Variants in ACSBG1 observed in about 807,000 individuals in gnomAD.
The protein encoded by ACSBG1 is long-chain-fatty-acid--CoA ligase ACSBG1.
A neutral mutation model predicts 80.2 loss-of-function variants in ACSBG1; 39 were observed. The ratio of observed to expected loss-of-function variants is 0.49; its 90% confidence interval spans 0.38 to 0.64. ACSBG1 has a LOEUF of 0.64. ACSBG1 is among the 30% of genes least tolerant of loss of function. The probability of loss-of-function intolerance (pLI) is 0.00; values close to 1 mark genes in which losing one functional copy is unlikely to be tolerated. For missense variants in ACSBG1, 828 were observed against 966.4 expected (o/e 0.86, Z 1.90); for synonymous variants, 392 against 379.5 (o/e 1.03, Z -0.38).
At chr15:78,206,405 G>A (rs979914829) in intron 2 of ACSBG1, among the ~76,000 whole-genome samples, 1 of 152,194 alleles carries the variant, frequency 6.6e-6, no homozygotes, top group Non-Finnish European at 1.5e-5. Flanking sequence ...CAGAGGACCT[G>A]TCTGCCCTCA....
intron 1 of ACSBG1, among the ~76,000 whole-genome samples, chr15:78,225,450 T>TTAA (rs1212911471): frequency 3.3e-5 from 5 of 150,832 alleles, no homozygotes; most frequent in African/African-American, 1.2e-4. Context: ...AATTAAAAAA[T>TTAA]AAAATAAATT....
rs753316205 is a variant in ACSBG1, at chr15:78,208,062, T to C, written c.172A>G (p.Asn58Asp). 6.2e-7 allele frequency: 1 copy of C among 1,614,104 alleles called. No homozygotes were observed. The highest frequency in any genetic ancestry group is 8.5e-7 in the Non-Finnish European group (1 of 1,180,018). Reference protein sequence around the residue: ...DRQPLSKESLNHALELSVPEK... With the variant: ...DRQPLSKESLDHALELSVPEK... Reference sequence around the variant, plus strand: ...GGCACTGAGAGCTCGAGAGCATGGTTCAGGGACTCTTTGGAGAGTGGCTGC... The same window carrying C: ...GGCACTGAGAGCTCGAGAGCATGGTCCAGGGACTCTTTGGAGAGTGGCTGC... Residue 58 changes from asparagine (N) to aspartate (D), a missense_variant, in exon 2 of 14, where the codon AAC becomes GAC. Asn to Asp is a conservative substitution (Grantham distance 23, BLOSUM62 1). This residue lies in a region of ACSBG1 where 356 missense variants were observed against 363.5 expected (regional missense o/e 0.98). Transcript: ENST00000258873.
chr15:78,220,126 A>G (rs764673914), intron 1 of ACSBG1, among the ~76,000 whole-genome samples: 4 of 152,282 alleles, frequency 2.6e-5, no homozygotes, highest in African/African-American at 9.6e-5. Context: ...AGGTACTGGC[A>G]TAAGGACAGA....
chr15:78,220,350 C>T (rs2075350639), intron 1 of ACSBG1, among the ~76,000 whole-genome samples: 1 of 152,092 alleles, frequency 6.6e-6, no homozygotes. Context: ...AGATCTAAAC[C>T]TAAATGCTAG....
At chr15:78,185,614 A>C (rs2074995461) in intron 5 of ACSBG1, among the ~76,000 whole-genome samples, 2 of 152,238 alleles carry the variant, frequency 1.3e-5, no homozygotes, top group Admixed American at 1.3e-4. Context: ...TCAAATATAA[A>C]TTGGTGGATT....
At chr15:78,223,730 A>G (rs1384628072) in intron 1 of ACSBG1, among the ~76,000 whole-genome samples, 1 of 152,242 alleles carries the variant, frequency 6.6e-6, no homozygotes, top group Non-Finnish European at 1.5e-5. Context: ...ATTAGCTTAT[A>G]TGGCAAAAAC....
At chr15:78,198,919 T>C (rs2075140611) in intron 2 of ACSBG1, among the ~76,000 whole-genome samples, 2 of 152,122 alleles carry the variant, frequency 1.3e-5, no homozygotes. Flanking sequence ...AAATAATGTA[T>C]AGTAATACAT....
At chr15:78,230,669 A>G (rs1448427653) in intron 1 of ACSBG1, among the ~76,000 whole-genome samples, 2 of 152,196 alleles carry the variant, frequency 1.3e-5, no homozygotes, top group Non-Finnish European at 2.9e-5. Flanking sequence ...TTCTCGTTAC[A>G]GTAAGTCGCA....
At chr15:78,215,842 C>A (rs2075308401) in intron 1 of ACSBG1, among the ~76,000 whole-genome samples, 1 of 152,066 alleles carries the variant, frequency 6.6e-6, no homozygotes, top group Non-Finnish European at 1.5e-5. Context: ...AGTTATAATG[C>A]CAGCACATGG....
chr15:78,232,801 C>T (rs1333202532), intron 1 of ACSBG1, among the ~76,000 whole-genome samples: 2 of 152,076 alleles, frequency 1.3e-5, no homozygotes, highest in South Asian at 2.1e-4. Flanking sequence ...TCTCCTGCCT[C>T]AGCCTCCTGA....
At chr15:78,179,919 G>T in intron 9 of ACSBG1, 139 bp from the exon 10 acceptor site, 1 of 719,534 alleles carries the variant, frequency 1.4e-6, no homozygotes, top group Non-Finnish European at 2.3e-6. Flanking sequence ...GTCTGTTCCA[G>T]TTGGTTGGTT....
Position 78,208,112 on chromosome 15 carries a change from T to C in ACSBG1, c.132-10A>G. 2 of 1,610,382 alleles carry C rather than the reference T, an allele frequency of 1.2e-6. No individual in the cohort carries two copies. Among genetic ancestry groups the C allele is most frequent in the Non-Finnish European group, 1.7e-6 (2 of 1,177,580 alleles). On this transcript the variant is annotated splice_polypyrimidine_tract_variant and intron_variant, in intron 1 of 13. Transcript: ENST00000258873. ...CCTGTCAGTCAGTGAGCTGGGGTGG[T>C]GAGGGGACCAGGAAAAACATTCATT...
chr15:78,179,093 T>C (rs746901229), intron 10 of ACSBG1: 10 of 526,256 alleles, frequency 1.9e-5, no homozygotes, highest in Non-Finnish European at 3.4e-5. Flanking sequence ...AGAGGAGATA[T>C]TTAATCATAA....
chr15:78,173,344 CAAAAAAAAAAAAAAAAAAA>C (rs59008825), intron 13 of ACSBG1, among the ~76,000 whole-genome samples: 1 of 75,226 alleles, frequency 1.3e-5, no homozygotes, highest in African/African-American at 5.3e-5. Context: ...GACTCCATCT[CAAAAAAAAAAAAAAAAAAA>C]AAAAAAGGAA....
chr15:78,228,597 G>C (rs913418573), intron 1 of ACSBG1, among the ~76,000 whole-genome samples: 3 of 152,148 alleles, frequency 2.0e-5, no homozygotes, highest in Admixed American at 1.3e-4. Flanking sequence ...ACTTGCATTC[G>C]GAAGTTATCC....
chr15:78,227,659 A>G (rs1352470144), intron 1 of ACSBG1, among the ~76,000 whole-genome samples: 1 of 152,208 alleles, frequency 6.6e-6, no homozygotes, highest in Non-Finnish European at 1.5e-5. Context: ...ATGAGAACAT[A>G]TGTCCACAAA....
At chr15:78,212,475 G>A in intron 1 of ACSBG1, 1 of 444,488 alleles carries the variant, frequency 2.2e-6, no homozygotes, top group South Asian at 1.6e-5. Context: ...GGTCCAGGTT[G>A]CGTGCCAACT....
At chr15:78,213,838 G>A (rs916175416) in intron 1 of ACSBG1, 5 of 152,424 alleles carry the variant, frequency 3.3e-5, no homozygotes, top group African/African-American at 1.2e-4. Flanking sequence ...CGAGTGCCTT[G>A]TGTTGGCTTC....
intron 1 of ACSBG1, among the ~76,000 whole-genome samples, chr15:78,216,008 G>T (rs911364862): frequency 6.6e-6 from 1 of 152,216 alleles, no homozygotes; most frequent in Non-Finnish European, 1.5e-5. Context: ...CTTCTTCCTG[G>T]AGCTGCCCTG....
Sources: gnomAD v4.1 joint callset for allele counts (sites outside exome capture counted in the v4.1 genomes callset) on GRCh38, gnomAD v4.1.1 for gene constraint, gnomAD v4.1.1 regional missense constraint, MANE v1.5 for transcripts, NCBI Gene and HGNC (gene_info 2026-07-23, HGNC 2026-07-21) for gene names.